Variants in DIAPH3 observed in about 807,000 individuals in gnomAD.
DIAPH3 encodes protein diaphanous homolog 3.
Under a neutral mutation model 144.3 loss-of-function variants are expected in DIAPH3, and 117 were observed. That is an observed-to-expected ratio of 0.81 (90% CI 0.70 to 0.95). DIAPH3 has a LOEUF of 0.95. Ranked by LOEUF, DIAPH3 falls within the 40% of genes least tolerant of loss-of-function variation. DIAPH3 has a pLI of 0.00. For synonymous variants in DIAPH3, 519 were observed against 488.9 expected (o/e 1.06, Z -0.81); for missense variants, 1,421 against 1,412.7 (o/e 1.01, Z -0.09).
chr13:60,125,394 A>ATTT (rs56267083), intron 2 of DIAPH3, among the ~76,000 whole-genome samples: 28 of 97,862 alleles, frequency 2.9e-4, no homozygotes, highest in South Asian at 1.7e-3. Context: ...CACCCAGCTA[A>ATTT]TTTTTTTTTT....
chr13:59,802,602 GTC>G (rs2039967576), intron 25 of DIAPH3, among the ~76,000 whole-genome samples: 2 of 103,676 alleles, frequency 1.9e-5, no homozygotes, highest in South Asian at 6.2e-4. Flanking sequence ...TTTTTAATCT[GTC>G]TCTTAAAATC....
At chr13:59,966,732 T>C (rs1240811004) in intron 17 of DIAPH3, among the ~76,000 whole-genome samples, 3 of 152,180 alleles carry the variant, frequency 2.0e-5, no homozygotes, top group Non-Finnish European at 4.4e-5. Context: ...ATTTGAATGC[T>C]TGGGAAGCAC....
chr13:59,721,750 C>A (rs2035357110), intron 27 of DIAPH3, among the ~76,000 whole-genome samples: 1 of 152,088 alleles, frequency 6.6e-6, no homozygotes. Flanking sequence ...CCTCTTGGAA[C>A]AAAATGTGGG....
intron 27 of DIAPH3, among the ~76,000 whole-genome samples, chr13:59,772,073 G>A (rs1190310947): frequency 6.6e-6 from 1 of 151,844 alleles, no homozygotes; most frequent in Non-Finnish European, 1.5e-5. Flanking sequence ...TAAAAAATAA[G>A]TTCAATCTTA....
chr13:59,847,524 G>A (rs1373810027), intron 22 of DIAPH3, among the ~76,000 whole-genome samples: 1 of 152,056 alleles, frequency 6.6e-6, no homozygotes, highest in Non-Finnish European at 1.5e-5. Context: ...CATCTCAAAG[G>A]AAATCATGTT....
intron 4 of DIAPH3, among the ~76,000 whole-genome samples, chr13:60,072,677 A>G (rs963227131): frequency 2.0e-5 from 3 of 152,210 alleles, no homozygotes; most frequent in Non-Finnish European, 2.9e-5. Context: ...TCAGAATAAA[A>G]AGTTGAAACA....
At chr13:59,837,174 G>T (rs1194172809) in intron 23 of DIAPH3, among the ~76,000 whole-genome samples, 2 of 151,970 alleles carry the variant, frequency 1.3e-5, no homozygotes, top group Non-Finnish European at 2.9e-5. Flanking sequence ...AGAGATACAT[G>T]AATGCTAATC....
At chr13:59,850,103 G>T (rs1470197819) in intron 22 of DIAPH3, among the ~76,000 whole-genome samples, 1 of 151,096 alleles carries the variant, frequency 6.6e-6, no homozygotes, top group African/African-American at 2.4e-5. Context: ...GTTCACTCAT[G>T]ATTTGGCTCT....
At chr13:59,782,156 T>TATAA (rs1555296143) in intron 25 of DIAPH3, among the ~76,000 whole-genome samples, 3 of 151,094 alleles carry the variant, frequency 2.0e-5, no homozygotes, top group African/African-American at 7.3e-5. Context: ...ACTTAAAAAT[T>TATAA]AAAAGAAGAA....
intron 13 of DIAPH3, 142 bp downstream of exon 13, chr13:59,983,627 A>G: frequency 3.3e-6 from 2 of 612,734 alleles, no homozygotes; most frequent in Non-Finnish European, 5.7e-6. Flanking sequence ...AAGGCGAATA[A>G]TGTTTTTGTG....
chr13:59,927,255 C>T (rs749307245), intron 17 of DIAPH3, among the ~76,000 whole-genome samples: 5 of 152,032 alleles, frequency 3.3e-5, no homozygotes, highest in Non-Finnish European at 7.4e-5. Context: ...TATTTGCATC[C>T]CATTTTTTTA....
At chr13:59,774,706 A>G in intron 26 of DIAPH3, 22 bp downstream of exon 26, 1 of 1,607,062 alleles carries the variant, frequency 6.2e-7, no homozygotes, top group Non-Finnish European at 8.5e-7. Context: ...AGAAAGTAAC[A>G]TGAAACAAGT....
At chr13:60,048,242 C>G (rs2056177339) in intron 4 of DIAPH3, among the ~76,000 whole-genome samples, 1 of 152,184 alleles carries the variant, frequency 6.6e-6, no homozygotes, top group African/African-American at 2.4e-5. Flanking sequence ...AGCAATCAAA[C>G]CTTGCATTCT....
At chr13:59,840,053 T>C (rs2042253650) in intron 22 of DIAPH3, among the ~76,000 whole-genome samples, 1 of 152,154 alleles carries the variant, frequency 6.6e-6, no homozygotes. Flanking sequence ...GAAGAAATGG[T>C]AAACCAGGGC....
At chr13:59,821,410 A>G (rs2041066292) in intron 24 of DIAPH3, among the ~76,000 whole-genome samples, 1 of 152,110 alleles carries the variant, frequency 6.6e-6, no homozygotes, top group Admixed American at 6.5e-5. Context: ...GAATAATTGG[A>G]AAACATTTTA....
chr13:59,811,545 T>C (rs1001022496), intron 24 of DIAPH3, among the ~76,000 whole-genome samples: 2 of 152,042 alleles, frequency 1.3e-5, no homozygotes, highest in South Asian at 4.1e-4. Context: ...GAGACCATCC[T>C]GGCTAACGTG....
chr13:60,012,419 T>C (rs2053335365), intron 7 of DIAPH3, among the ~76,000 whole-genome samples: 1 of 152,192 alleles, frequency 6.6e-6, no homozygotes, highest in Non-Finnish European at 1.5e-5. Context: ...GCCTGGGCTA[T>C]TACCTAACTG....
At chr13:60,054,034 C>T (rs1269272309) in intron 4 of DIAPH3, among the ~76,000 whole-genome samples, 1 of 151,982 alleles carries the variant, frequency 6.6e-6, no homozygotes, top group African/African-American at 2.4e-5. Context: ...AAATTATATT[C>T]TTAAACACTA....
At chr13:60,103,364 C>T (rs1231333261) in intron 3 of DIAPH3, among the ~76,000 whole-genome samples, 1 of 151,964 alleles carries the variant, frequency 6.6e-6, no homozygotes, top group African/African-American at 2.4e-5. Context: ...TTGAGCGGGA[C>T]AGTTAACACC....
Sources: allele counts gnomAD v4.1 joint callset (sites outside exome capture counted in the v4.1 genomes callset), GRCh38; gene constraint gnomAD v4.1.1; transcripts MANE v1.5; gene names NCBI Gene and HGNC (gene_info 2026-07-23, HGNC 2026-07-21).